Variants in MXD1 observed in about 807,000 individuals in gnomAD.
MXD1 encodes MAX dimerization protein 1.
MXD1 carries 9 observed loss-of-function variants against 25.7 expected under a neutral mutation model. The observed-to-expected ratio is 0.35, with a 90% CI of 0.21 to 0.61. MXD1 has a LOEUF of 0.61. MXD1 is among the 20% of genes least tolerant of loss of function. The pLI, the probability that MXD1 is intolerant of heterozygous loss-of-function variation, is 0.75. For synonymous variants in MXD1, 99 were observed against 113.9 expected (o/e 0.87, Z 0.83); for missense variants, 227 against 292.4 (o/e 0.78, Z 1.63).
chr2:69,915,279 C>T lies in MXD1; in HGVS notation c.-52C>T. On this transcript the variant is annotated 5_prime_UTR_variant, in exon 1 of 6. Coordinates refer to ENST00000264444, the MANE Select transcript of MXD1 (RefSeq NM_002357.4). The surrounding 1 kb of genome is among the most constrained non-coding windows in gnomAD (Gnocchi z 5.8). ...CTCCACAGCGGTCCGGCGGCGGCAG[C>T]GAGCCCGTGGGCAGTGGGGGTTGGT... The T allele has an allele frequency of 7.8e-7, 1 of 1,288,378 alleles. No homozygotes were observed. The highest frequency in any genetic ancestry group is 9.9e-7 in the Non-Finnish European group (1 of 1,007,334). The allele number at this position is 1,288,378 out of a possible 1,614,324, so 79.8% of individuals were successfully genotyped here.
chr2:69,929,498 G>C (rs951822365), intron 3 of MXD1, among the ~76,000 whole-genome samples: 1 of 152,218 alleles, frequency 6.6e-6, no homozygotes, highest in Non-Finnish European at 1.5e-5. Context: ...GCTACAGTCA[G>C]AATTGTCTGA....
intron 3 of MXD1, among the ~76,000 whole-genome samples, chr2:69,935,137 A>G (rs761766506): frequency 6.6e-6 from 1 of 152,228 alleles, no homozygotes; most frequent in Non-Finnish European, 1.5e-5. Context: ...TTGTATTATC[A>G]ATAGACTTAG....
At chr2:69,931,174 T>C (rs1677273124) in intron 3 of MXD1, among the ~76,000 whole-genome samples, 1 of 152,226 alleles carries the variant, frequency 6.6e-6, no homozygotes, top group African/African-American at 2.4e-5. Context: ...ATCCTTTGTG[T>C]TGCAAACCAT....
At position 69,942,133 on chromosome 2, in the gene MXD1, A is replaced by G. The variant is rs911204284; in HGVS notation, c.*3849A>G. 2.3e-4 allele frequency: 35 copies of G among 152,220 alleles called. No homozygotes were observed. Among genetic ancestry groups the G allele is most frequent in the African/African-American group, 8.4e-4 (35 of 41,444 alleles). 9.4% of individuals were successfully genotyped at this position (152,220 alleles called of 1,614,324 possible). A position where few individuals can be genotyped will look rare whatever the true frequency, so the allele number is the denominator to read the frequency against. On this transcript the variant is annotated 3_prime_UTR_variant, in exon 6 of 6. Coordinates refer to ENST00000264444, the MANE Select transcript of MXD1 (RefSeq NM_002357.4). ...TAAAAGGCTAAACGCAATTTCTTGC[A>G]TGTCAATCTATTCTTTTTCTATGTT...
rs548327436 is a variant in MXD1, at chr2:69,935,174, C to T, written c.204-177C>T. On this transcript the variant is annotated intron_variant, in intron 3 of 5. Coordinates refer to ENST00000264444, the MANE Select transcript of MXD1 (RefSeq NM_002357.4). ...TTCGAAAACCTTGGATTTTGCTTCT[C>T]ATTGGTTTTCACCAGAGTTGTCTGG... Among the ~76,000 whole-genome samples, 34 of 152,300 alleles carry T rather than the reference C, an allele frequency of 2.2e-4. No individual in the cohort carries two copies. In the South Asian group the frequency reaches 6.6e-3, roughly 30 times the overall value.
rs1389670151 is a variant in MXD1 at position 69,938,266 on chromosome 2, G to A, written c.648G>A (p.Lys216=). 2 of 1,614,176 alleles carry A rather than the reference G, an allele frequency of 1.2e-6. No individual in the cohort carries two copies. Among genetic ancestry groups the A allele is most frequent in the Admixed American group, 1.7e-5 (1 of 60,032 alleles). Residue 216 remains lysine (K), a synonymous_variant, in exon 6 of 6, where the codon AAG becomes AAA. Transcript: ENST00000264444. ...IKRIKLQDSH[K]ACLGL The stretch of plus-strand genomic sequence containing the variant: ...GAATAAAGCTGCAGGACAGTCACAA[G>A]GCGTGTCTTGGTCTCTAAGAGAGTG...
At position 69,921,688 on chromosome 2, in the gene MXD1, C is replaced by G. The variant is rs527770551; in HGVS notation, c.174-48C>G. 291 of 1,561,362 alleles carry G rather than the reference C, an allele frequency of 1.9e-4. 1 individual carries two copies. The South Asian group carries it at 3.1e-3, about 17-fold the overall frequency. ...GAATTGTGTTGGTGTTGAAGTAGTT[C>G]TTTAAGACAAAAATATCTTATTCTT... is the stretch of plus-strand genomic sequence containing the variant. On this transcript the variant is annotated intron_variant, in intron 2 of 5. Transcript: ENST00000264444.
intron 2 of MXD1, among the ~76,000 whole-genome samples, chr2:69,918,575 T>C (rs1677002863): frequency 6.6e-6 from 1 of 152,208 alleles, no homozygotes; most frequent in Admixed American, 6.5e-5. Context: ...AAAGCAAGCT[T>C]TGGCACTCAC....
At chr2:69,937,012 G>A (rs1340350226) in intron 4 of MXD1, 1 of 662,392 alleles carries the variant, frequency 1.5e-6, no homozygotes, top group Non-Finnish European at 2.8e-6. Context: ...CAGAATCCCT[G>A]TGACAGGACA....
chr2:69,938,313 A>G lies in MXD1; in HGVS notation c.*29A>G, dbSNP rs758742658. The G allele has an allele frequency of 1.9e-6, 3 of 1,609,634 alleles. No individual in the cohort carries two copies. Among genetic ancestry groups the G allele is most frequent in the Non-Finnish European group, 2.5e-6 (3 of 1,177,014 alleles). ...AGTGGGCACTGCGGCTGTCTCCTTG[A>G]AGGTTCTCCCTGTTGGTTCTGATTA... On this transcript the variant is annotated 3_prime_UTR_variant, in exon 6 of 6. Coordinates refer to ENST00000264444, the MANE Select transcript of MXD1 (RefSeq NM_002357.4).
rs1056130244 is a variant in MXD1, at chr2:69,939,630, C to T, written c.*1346C>T. 6.6e-6 allele frequency: 1 copy of T among 152,580 alleles called. No individual in the cohort carries two copies. Among genetic ancestry groups the T allele is most frequent in the Non-Finnish European group, 1.5e-5 (1 of 68,034 alleles). 9.5% of individuals were successfully genotyped at this position (152,580 alleles called of 1,614,324 possible). A position where few individuals can be genotyped will look rare whatever the true frequency, so the allele number is the denominator to read the frequency against. ...TAGGTATCTACAAAATTAGTTCATT[C>T]CCCTGAATATTTTTGCATTCATATT... On this transcript the variant is annotated 3_prime_UTR_variant, in exon 6 of 6. Coordinates refer to ENST00000264444, the MANE Select transcript of MXD1 (RefSeq NM_002357.4).
In MXD1 at chr2:69,941,524, C is replaced by T. The variant is rs1389710875; in HGVS notation, c.*3240C>T. On this transcript the variant is annotated 3_prime_UTR_variant, in exon 6 of 6. Coordinates refer to ENST00000264444, the MANE Select transcript of MXD1 (RefSeq NM_002357.4). ...AAATAATTTCAGTGTTGATTCAGAA[C>T]TGAACATTAAGTAGGCCCTCGTCCT... is the stretch of plus-strand genomic sequence containing the variant. The T allele has an allele frequency of 6.6e-6, 1 of 152,168 alleles. No individual in the cohort carries two copies. The highest frequency in any genetic ancestry group is 2.4e-5 in the African/African-American group (1 of 41,436). The allele number at this position is 152,168 out of a possible 1,614,324, so 9.4% of individuals were successfully genotyped here.
At chr2:69,935,048 G>C (rs553497165) in intron 3 of MXD1, among the ~76,000 whole-genome samples, 1 of 152,296 alleles carries the variant, frequency 6.6e-6, no homozygotes, top group East Asian at 1.9e-4. Flanking sequence ...ACCATCATGA[G>C]TCAGGGACCA....
At chr2:69,935,269 A>T (rs1286596008) in intron 3 of MXD1, 82 bp from the exon 4 acceptor site, 2 of 975,492 alleles carry the variant, frequency 2.1e-6, no homozygotes, top group African/African-American at 3.2e-5. Context: ...GCAACTTCAC[A>T]CTCTTTGAGA....
intron 5 of MXD1, 88 bp from the exon 6 acceptor site, chr2:69,938,009 A>G: frequency 2.3e-6 from 3 of 1,302,448 alleles, no homozygotes; most frequent in East Asian, 2.4e-5. Context: ...TGCCTCCCAA[A>G]GTGCTGGGAT....
At position 69,916,117 on chromosome 2, in the gene MXD1, C is replaced by T; in HGVS notation, c.74-4C>T. On this transcript the variant is annotated splice_region_variant and splice_polypyrimidine_tract_variant and intron_variant, in intron 1 of 5. Transcript: ENST00000264444. Reference sequence around the variant, plus strand: ...TTCATTAACTGGATCCTCCTGTTTTCTAGAAGCTGAACATGGTTATGCCTC... The same window carrying T: ...TTCATTAACTGGATCCTCCTGTTTTTTAGAAGCTGAACATGGTTATGCCTC... The T allele has an allele frequency of 6.3e-7, 1 of 1,594,652 alleles. No homozygotes were observed. Among genetic ancestry groups the T allele is most frequent in the South Asian group, 1.1e-5 (1 of 90,658 alleles).
chr2:69,922,553 G>T (rs983629514), intron 3 of MXD1, among the ~76,000 whole-genome samples: 3 of 152,058 alleles, frequency 2.0e-5, no homozygotes, highest in African/African-American at 4.8e-5. Context: ...GTTTATTTCT[G>T]CTGATTCTAT....
At chr2:69,927,710 A>G (rs1421182384) in intron 3 of MXD1, among the ~76,000 whole-genome samples, 3 of 152,210 alleles carry the variant, frequency 2.0e-5, no homozygotes, top group African/African-American at 7.2e-5. Context: ...AATGTGGTGT[A>G]CTTATGTATT....
chr2:69,933,518 C>T (rs1289536821), intron 3 of MXD1, among the ~76,000 whole-genome samples: 1 of 152,060 alleles, frequency 6.6e-6, no homozygotes, highest in Non-Finnish European at 1.5e-5. Context: ...ATAGTAAAGC[C>T]CTTGTGCTAT....
Sources: gnomAD v4.1 joint callset for allele counts (sites outside exome capture counted in the v4.1 genomes callset) on GRCh38, gnomAD v4.1.1 for gene constraint, Gnocchi (gnomAD v3.1) non-coding constraint, MANE v1.5 for transcripts, NCBI Gene and HGNC (gene_info 2026-07-23, HGNC 2026-07-21) for gene names.